Variants in LRIG1 observed in about 807,000 individuals in gnomAD.
LRIG1 encodes the protein leucine-rich repeats and immunoglobulin-like domains protein 1.
A neutral mutation model predicts 99.2 loss-of-function variants in LRIG1; 48 were observed. That is an observed-to-expected ratio of 0.48 (90% CI 0.38 to 0.62). LRIG1 has a LOEUF of 0.62. Ranked by LOEUF, LRIG1 falls within the 20% of genes least tolerant of loss-of-function variation. The probability of loss-of-function intolerance (pLI) is 0.00; values close to 1 mark genes in which losing one functional copy is unlikely to be tolerated. For synonymous variants in LRIG1, 772 were observed against 596.1 expected, an observed-to-expected ratio of 1.29 and a Z score of -4.30; for missense variants, 1,646 against 1,434.4, an observed-to-expected ratio of 1.15 and a Z score of -2.38.
intron 1 of LRIG1, among the ~76,000 whole-genome samples, chr3:66,486,690 T>C (rs1276727995): frequency 5.9e-5 from 9 of 152,240 alleles, no homozygotes; most frequent in Non-Finnish European, 8.8e-5. Context: ...GGCTATCGTA[T>C]TGTTTTCCAT....
chr3:66,433,103 C>T (rs1405843325), intron 3 of LRIG1, among the ~76,000 whole-genome samples: 1 of 152,190 alleles, frequency 6.6e-6, no homozygotes, highest in Non-Finnish European at 1.5e-5. Context: ...CTTATTTCCT[C>T]AGGCAGTAAG....
chr3:66,467,564 T>C (rs1376021560), intron 1 of LRIG1, among the ~76,000 whole-genome samples: 2 of 152,052 alleles, frequency 1.3e-5, no homozygotes, highest in African/African-American at 4.8e-5. Flanking sequence ...GGTTTCACCG[T>C]GTTAGCCAGG....
chr3:66,382,085 C>T (rs1701109674), intron 16 of LRIG1, among the ~76,000 whole-genome samples, 188 bp downstream of exon 16: 1 of 152,214 alleles, frequency 6.6e-6, no homozygotes, highest in Admixed American at 6.5e-5. Context: ...GGGGACAGGA[C>T]TTTAAAACCT....
rs1254680412 is a variant in LRIG1 at position 66,382,347 on chromosome 3, G to A, written c.2543C>T (p.Thr848Ile). ...CACGGTTTCTTGTCGGTCAGAAAGG[G>A]TCCCCTGAGAAGAGAGGTAGCTTGG... The part of the protein sequence containing the change: ...DVPSYLSSQG[T>I]LSDRQETVVR... The change falls in exon 16 of 19, where the codon ACC (threonine) becomes ATC (isoleucine). Residue 848 changes from threonine to isoleucine, a missense_variant. Coordinates refer to ENST00000273261, the MANE Select transcript of LRIG1 (RefSeq NM_015541.3). The A allele has an allele frequency of 3.7e-6, 6 of 1,614,054 alleles. No homozygotes were observed. The highest frequency in any genetic ancestry group is 2.2e-5 in the East Asian group (1 of 44,890).
At chr3:66,491,689 T>C (rs1014918474) in intron 1 of LRIG1, among the ~76,000 whole-genome samples, 4 of 152,128 alleles carry the variant, frequency 2.6e-5, no homozygotes, top group African/African-American at 9.7e-5. Context: ...AAAAAAAACC[T>C]ATACATTTGC....
At position 66,500,454 on chromosome 3, in the gene LRIG1, C is replaced by G; in HGVS notation, c.-47G>C. On this transcript the variant is annotated 5_prime_UTR_variant, in exon 1 of 19. Coordinates refer to ENST00000273261, the MANE Select transcript of LRIG1 (RefSeq NM_015541.3). ...ACTCCGGGCGCGGGGACTGTGAGGA[C>G]CCGAACGGCCGCAGACGCGGGCGGG... 1 of 1,201,282 alleles carries G rather than the reference C, an allele frequency of 8.3e-7. No homozygotes were observed. The highest frequency in any genetic ancestry group is 1.1e-6 in the Non-Finnish European group (1 of 932,346). The allele number at this position is 1,201,282 out of a possible 1,614,324, so 74.4% of individuals were successfully genotyped here. A position where few individuals can be genotyped will look rare whatever the true frequency, so the allele number is the denominator to read the frequency against.
At chr3:66,384,627 G>A (rs371556618) in intron 13 of LRIG1, among the ~76,000 whole-genome samples, 5 of 152,184 alleles carry the variant, frequency 3.3e-5, no homozygotes, top group African/African-American at 1.2e-4. Context: ...GAGAGAGGCT[G>A]TGGAGATGGA....
intron 1 of LRIG1, among the ~76,000 whole-genome samples, chr3:66,464,148 G>C (rs560536280): frequency 6.6e-6 from 1 of 152,262 alleles, no homozygotes; most frequent in East Asian, 1.9e-4. Flanking sequence ...CTTCTATTTT[G>C]AGCAGATTAT....
chr3:66,417,841 G>A (rs959714231), intron 3 of LRIG1, among the ~76,000 whole-genome samples: 2 of 151,906 alleles, frequency 1.3e-5, no homozygotes, highest in East Asian at 1.9e-4. Flanking sequence ...ATGTAAAATG[G>A]GAAAGAGGAG....
chr3:66,405,350 G>C, intron 8 of LRIG1, 72 bp from the exon 9 acceptor site: 1 of 1,256,848 alleles, frequency 8.0e-7, no homozygotes, highest in Non-Finnish European at 1.2e-6. Flanking sequence ...CACCCAGCCT[G>C]CTGCTCGGAA....
At chr3:66,467,649 C>A (rs1434980202) in intron 1 of LRIG1, among the ~76,000 whole-genome samples, 5 of 152,240 alleles carry the variant, frequency 3.3e-5, no homozygotes, top group Non-Finnish European at 5.9e-5. Flanking sequence ...GCGTGAGCCA[C>A]CACGCCCAGC....
chr3:66,380,173 G>C lies in LRIG1; in HGVS notation c.*90C>G. ...ATGGGAGTTACAACTATGTACAGAT[G>C]AGTGACGCTTGAACCCAAGCTTCCT... On this transcript the variant is annotated 3_prime_UTR_variant, in exon 19 of 19. Coordinates refer to ENST00000273261, the MANE Select transcript of LRIG1 (RefSeq NM_015541.3). 1.0e-6 allele frequency: 1 copy of C among 1,002,406 alleles called. No homozygotes were observed. The highest frequency in any genetic ancestry group is 1.5e-6 in the Non-Finnish European group (1 of 679,916). 62.1% of individuals were successfully genotyped at this position (1,002,406 alleles called of 1,614,324 possible).
chr3:66,443,570 A>C (rs1703619117), intron 3 of LRIG1, among the ~76,000 whole-genome samples: 1 of 152,180 alleles, frequency 6.6e-6, no homozygotes, highest in African/African-American at 2.4e-5. Context: ...TTCATCTGGG[A>C]AACTTCTCTG....
intron 13 of LRIG1, among the ~76,000 whole-genome samples, chr3:66,385,672 C>T (rs143720977): frequency 2.0e-4 from 30 of 152,294 alleles, no homozygotes; most frequent in East Asian, 1.2e-3. Flanking sequence ...ACACTAGTCT[C>T]GAACTCCTGG....
intron 13 of LRIG1, among the ~76,000 whole-genome samples, chr3:66,385,179 G>A (rs1337449530): frequency 6.6e-6 from 1 of 151,970 alleles, no homozygotes; most frequent in Non-Finnish European, 1.5e-5. Flanking sequence ...AATAACACAT[G>A]GTCCCCTTGA....
chr3:66,385,908 G>A (rs1701349110), intron 13 of LRIG1, 73 bp downstream of exon 13: 2 of 1,345,884 alleles, frequency 1.5e-6, no homozygotes, highest in South Asian at 2.6e-5. Context: ...ATCTCTACAT[G>A]GAAAGCTGAA....
At chr3:66,476,534 C>G (rs1405033553) in intron 1 of LRIG1, among the ~76,000 whole-genome samples, 2 of 152,176 alleles carry the variant, frequency 1.3e-5, no homozygotes, top group Non-Finnish European at 2.9e-5. Flanking sequence ...AAGTCTCTTC[C>G]TATCTCTCAA....
At chr3:66,386,468 G>A (rs533720010) in intron 12 of LRIG1, 167 bp from the exon 13 acceptor site, 19 of 618,782 alleles carry the variant, frequency 3.1e-5, no homozygotes, top group Middle Eastern at 4.4e-4. Context: ...GTTGCACCAT[G>A]GACATCTGAC....
chr3:66,457,858 A>C (rs1700265842), intron 2 of LRIG1, among the ~76,000 whole-genome samples: 1 of 152,214 alleles, frequency 6.6e-6, no homozygotes, highest in Non-Finnish European at 1.5e-5. Context: ...GGTGTGGACC[A>C]GGATTATACT....
Sources: gnomAD v4.1 joint callset for allele counts (sites outside exome capture counted in the v4.1 genomes callset) on GRCh38, gnomAD v4.1.1 for gene constraint, MANE v1.5 for transcripts, NCBI Gene and HGNC (gene_info 2026-07-23, HGNC 2026-07-21) for gene names.